The following SLC24A3 variants were observed in gnomAD, a reference collection of about 807,000 sequenced individuals.
SLC24A3 encodes sodium/potassium/calcium exchanger 3.
Under a neutral mutation model 75.8 loss-of-function variants are expected in SLC24A3, and 28 were observed. The observed-to-expected ratio is 0.37, with a 90% CI of 0.27 to 0.51. SLC24A3 has a LOEUF of 0.51. SLC24A3 is among the 20% of genes least tolerant of loss of function. SLC24A3 has a pLI of 0.94. For missense variants in SLC24A3, 663 were observed against 847.8 expected (o/e 0.78, Z 2.71); for synonymous variants, 372 against 334.1 (o/e 1.11, Z -1.24).
intron 3 of SLC24A3, among the ~76,000 whole-genome samples, chr20:19,526,365 G>A (rs1443484538): frequency 6.6e-6 from 1 of 152,176 alleles, no homozygotes; most frequent in African/African-American, 2.4e-5. Context: ...CTCCATTGAG[G>A]TAGCACCTAC....
intron 1 of SLC24A3, chr20:19,243,761 G>A (rs1027129403): frequency 6.6e-6 from 1 of 152,232 alleles, no homozygotes; most frequent in African/African-American, 2.4e-5. Context: ...GTCTTTCTCT[G>A]GCCCCTTCTT....
intron 1 of SLC24A3, among the ~76,000 whole-genome samples, chr20:19,220,343 C>T (rs1170632822): frequency 6.6e-6 from 1 of 152,202 alleles, no homozygotes; most frequent in Admixed American, 6.5e-5. Flanking sequence ...AAATATTTCT[C>T]TTCCTTTCTC....
At chr20:19,655,015 TAGCCAC>T (rs2032250013) in intron 7 of SLC24A3, among the ~76,000 whole-genome samples, 1 of 152,162 alleles carries the variant, frequency 6.6e-6, no homozygotes, top group African/African-American at 2.4e-5. Flanking sequence ...GTTCCTATCG[TAGCCAC>T]AGACTGGGAA....
At chr20:19,251,565 G>A (rs1982654663) in intron 1 of SLC24A3, among the ~76,000 whole-genome samples, 1 of 152,180 alleles carries the variant, frequency 6.6e-6, no homozygotes, top group South Asian at 2.1e-4. Flanking sequence ...AGGGGACAAC[G>A]AGGGCCCAGC....
At chr20:19,513,247 G>T (rs1478140761) in intron 2 of SLC24A3, among the ~76,000 whole-genome samples, 1 of 152,240 alleles carries the variant, frequency 6.6e-6, no homozygotes, top group East Asian at 1.9e-4. Context: ...GCAGTAGGGG[G>T]GTGGCATGTG....
chr20:19,315,716 G>A (rs1001252448), intron 2 of SLC24A3, among the ~76,000 whole-genome samples: 6 of 152,164 alleles, frequency 3.9e-5, no homozygotes, highest in Non-Finnish European at 8.8e-5. Flanking sequence ...TCTGGTAGGA[G>A]GGTCATCACC....
intron 6 of SLC24A3, among the ~76,000 whole-genome samples, chr20:19,615,601 A>G (rs1358815528): frequency 6.6e-6 from 1 of 152,212 alleles, no homozygotes; most frequent in Non-Finnish European, 1.5e-5. Context: ...CGAGAACAGC[A>G]CCAAACGGAT....
chr20:19,647,532 G>A (rs1215286503), intron 6 of SLC24A3, among the ~76,000 whole-genome samples: 1 of 152,216 alleles, frequency 6.6e-6, no homozygotes, highest in Admixed American at 6.5e-5. Flanking sequence ...CAGGGGCACT[G>A]CAGGGAACAG....
intron 2 of SLC24A3, among the ~76,000 whole-genome samples, chr20:19,489,427 ACAT>A (rs1988174592): frequency 6.6e-6 from 1 of 152,228 alleles, no homozygotes; most frequent in Non-Finnish European, 1.5e-5. Context: ...AAAAGTATAA[ACAT>A]CATAGTAATA....
intron 2 of SLC24A3, among the ~76,000 whole-genome samples, chr20:19,439,859 G>C (rs913304883): frequency 4.6e-5 from 7 of 152,198 alleles, no homozygotes; most frequent in Non-Finnish European, 8.8e-5. Flanking sequence ...GGGTAAGAAG[G>C]GGAGAGAGAG....
At chr20:19,578,391 C>T (rs1315774577) in intron 3 of SLC24A3, among the ~76,000 whole-genome samples, 1 of 151,890 alleles carries the variant, frequency 6.6e-6, no homozygotes, top group Non-Finnish European at 1.5e-5. Flanking sequence ...GTCGGCTTCT[C>T]ACTGTGGGAG....
intron 1 of SLC24A3, among the ~76,000 whole-genome samples, chr20:19,254,172 G>A (rs1348755505): frequency 6.6e-6 from 1 of 152,212 alleles, no homozygotes; most frequent in Non-Finnish European, 1.5e-5. Flanking sequence ...CCTCTGGGCT[G>A]TGCCATCCTA....
intron 15 of SLC24A3, among the ~76,000 whole-genome samples, chr20:19,708,430 C>T (rs149304192): frequency 2.0e-5 from 3 of 152,274 alleles, no homozygotes; most frequent in Non-Finnish European, 4.4e-5. Flanking sequence ...GCAACCATTC[C>T]GAATTCAGGC....
At chr20:19,452,194 A>G (rs759449904) in intron 2 of SLC24A3, among the ~76,000 whole-genome samples, 15 of 152,204 alleles carry the variant, frequency 9.9e-5, no homozygotes, top group Non-Finnish European at 1.5e-5. Context: ...CAAGAGGAAG[A>G]CGTGGTATAC....
intron 2 of SLC24A3, among the ~76,000 whole-genome samples, chr20:19,334,272 T>C (rs1223792505): frequency 6.6e-6 from 1 of 152,204 alleles, no homozygotes; most frequent in East Asian, 1.9e-4. Flanking sequence ...CAGTCAAATG[T>C]TGTCCTTGGA....
At chr20:19,526,715 G>A (rs762919228) in intron 3 of SLC24A3, among the ~76,000 whole-genome samples, 37 of 152,162 alleles carry the variant, frequency 2.4e-4, no homozygotes, top group Non-Finnish European at 4.9e-4. Flanking sequence ...GACTTCCTGG[G>A]TTCAAACCCC....
intron 1 of SLC24A3, among the ~76,000 whole-genome samples, chr20:19,229,536 G>A (rs1188921387): frequency 1.3e-5 from 2 of 152,052 alleles, no homozygotes; most frequent in Non-Finnish European, 2.9e-5. Context: ...AAATAGTCTT[G>A]TAATTATAGT....
intron 6 of SLC24A3, among the ~76,000 whole-genome samples, chr20:19,590,625 A>G (rs2031361744): frequency 6.6e-6 from 1 of 152,234 alleles, no homozygotes; most frequent in South Asian, 2.1e-4. Flanking sequence ...GCTTCCGTAC[A>G]TGATCCTGTG....
At chr20:19,376,594 A>C (rs1355044684) in intron 2 of SLC24A3, among the ~76,000 whole-genome samples, 1 of 151,752 alleles carries the variant, frequency 6.6e-6, no homozygotes, top group Non-Finnish European at 1.5e-5. Flanking sequence ...TCCCAGAACC[A>C]GAGTGTTCCA....
Sources: allele counts gnomAD v4.1 joint callset (sites outside exome capture counted in the v4.1 genomes callset), GRCh38; gene constraint gnomAD v4.1.1; transcripts MANE v1.5; gene names NCBI Gene and HGNC (gene_info 2026-07-23, HGNC 2026-07-21).